Variants in UBAP2 observed in about 807,000 individuals in gnomAD.
UBAP2 encodes the protein ubiquitin-associated protein 2.
In UBAP2, 75 loss-of-function variants were observed where a neutral mutation model predicts 139.6. That is an observed-to-expected ratio of 0.54 (90% CI 0.45 to 0.65). UBAP2 has a LOEUF of 0.65. Ranked by LOEUF, UBAP2 falls within the 30% of genes least tolerant of loss-of-function variation. The pLI is 0.00. For missense variants in UBAP2, 1,368 were observed against 1,369.6 expected, an observed-to-expected ratio of 1.00 and a Z score of 0.02; for synonymous variants, 526 against 526.2, an observed-to-expected ratio of 1.00 and a Z score of 0.01.
At chr9:33,924,891 A>G (rs1295592727) in intron 22 of UBAP2, among the ~76,000 whole-genome samples, 1 of 152,152 alleles carries the variant, frequency 6.6e-6, no homozygotes, top group Non-Finnish European at 1.5e-5. Context: ...AAAACATGAA[A>G]TTTGTTTGCA....
Position 33,923,029 on chromosome 9 carries a change from T to C in UBAP2, c.3009A>G (p.Val1003=), listed in dbSNP as rs1307302820. The part of the protein sequence containing the change: ...KSAGSGPGKG[V]SVSSSTTGLP... ...GACCAGTGGTGCTTGAAGACACTGA[T>C]ACTCCTAGGAGGAAAAGCAGTTGTT... Residue 1003 remains valine (V), a synonymous_variant, in exon 27 of 29, where the codon GTA becomes GTG. Coordinates refer to ENST00000379238, the MANE Select transcript of UBAP2 (RefSeq NM_001370062.2). 1.2e-6 allele frequency: 2 copies of C among 1,614,082 alleles called. No homozygotes were observed. Among genetic ancestry groups the C allele is most frequent in the Admixed American group, 1.7e-5 (1 of 60,014 alleles).
chr9:33,973,111 G>A (rs1450440327), intron 7 of UBAP2, 72 bp downstream of exon 7: 5 of 1,311,548 alleles, frequency 3.8e-6, no homozygotes, highest in Admixed American at 1.8e-5. Flanking sequence ...TTAGATGTAG[G>A]GTATTAGAAG....
At chr9:33,969,475 AT>A (rs748037253) in intron 8 of UBAP2, among the ~76,000 whole-genome samples, 2 of 151,916 alleles carry the variant, frequency 1.3e-5, no homozygotes, top group African/African-American at 2.4e-5. Flanking sequence ...CTTGAACCCA[AT>A]GGTTCAAGGC....
At chr9:33,993,557 G>A (rs1350982353) in intron 4 of UBAP2, among the ~76,000 whole-genome samples, 2 of 152,070 alleles carry the variant, frequency 1.3e-5, no homozygotes, top group African/African-American at 2.4e-5. Context: ...CTGTGGTCCC[G>A]GCTACTCGGC....
chr9:33,965,176 C>G (rs1263909220), intron 8 of UBAP2, among the ~76,000 whole-genome samples: 3 of 152,204 alleles, frequency 2.0e-5, no homozygotes, highest in Non-Finnish European at 4.4e-5. Flanking sequence ...TTCTGACCCT[C>G]TCCAAGTGTA....
rs964122779 is a variant in UBAP2, at chr9:33,921,823, G to A, written c.*681C>T. ...TACCTTAGATTTTTAAAGGGGAGCTGACTGGCTGAATAACTCAGATTATTT... is the reference window on the plus strand; with the variant it reads ...TACCTTAGATTTTTAAAGGGGAGCTAACTGGCTGAATAACTCAGATTATTT... On this transcript the variant is annotated 3_prime_UTR_variant, in exon 29 of 29. Coordinates refer to ENST00000379238, the MANE Select transcript of UBAP2 (RefSeq NM_001370062.2). 1.3e-5 allele frequency: 2 copies of A among 152,282 alleles called. No individual in the cohort carries two copies. The highest frequency in any genetic ancestry group is 1.3e-4 in the Admixed American group (2 of 15,256). 9.4% of individuals were successfully genotyped at this position (152,282 alleles called of 1,614,324 possible).
chr9:33,928,304 T>C (rs989178555), intron 19 of UBAP2: 32 of 319,394 alleles, frequency 1.0e-4, no homozygotes, highest in Non-Finnish European at 9.2e-5. Context: ...AATGAGGGCA[T>C]AGAAATCCCA....
chr9:33,971,119 A>C (rs1827887244), intron 8 of UBAP2, among the ~76,000 whole-genome samples: 1 of 152,166 alleles, frequency 6.6e-6, no homozygotes, highest in African/African-American at 2.4e-5. Flanking sequence ...TGTTTCTATA[A>C]GTATAATCTC....
intron 7 of UBAP2, among the ~76,000 whole-genome samples, chr9:33,972,833 C>T (rs947148578): frequency 6.6e-6 from 1 of 152,130 alleles, no homozygotes; most frequent in East Asian, 1.9e-4. Context: ...CATTTAGGTA[C>T]GTCTATAGGT....
chr9:33,962,808 C>G (rs1458339129), intron 9 of UBAP2, among the ~76,000 whole-genome samples: 1 of 151,298 alleles, frequency 6.6e-6, no homozygotes, highest in Non-Finnish European at 1.5e-5. Flanking sequence ...GAAACCCCAT[C>G]TCTACTAAAA....
intron 1 of UBAP2, among the ~76,000 whole-genome samples, chr9:34,018,592 G>A (rs1284512113): frequency 3.9e-5 from 6 of 152,292 alleles, no homozygotes; most frequent in East Asian, 1.9e-4. Flanking sequence ...GGCCGGGCAC[G>A]GTCACTCACG....
rs1328507590 is a variant in UBAP2 at position 33,944,359 on chromosome 9, G to A, written c.1545+6C>T. On this transcript the variant is annotated splice_donor_region_variant and intron_variant, in intron 14 of 28. Transcript: ENST00000379238. Reference sequence around the variant, plus strand: ...TAGGACGGTGACTTCATGATGAAATGCCCACCTTAGAAGCTGGGGGTATCC... The same window carrying A: ...TAGGACGGTGACTTCATGATGAAATACCCACCTTAGAAGCTGGGGGTATCC... 6.2e-7 allele frequency: 1 copy of A among 1,609,264 alleles called. No individual in the cohort carries two copies. Among genetic ancestry groups the A allele is most frequent in the Admixed American group, 1.7e-5 (1 of 59,962 alleles).
At chr9:33,938,289 C>CA (rs958511718) in intron 16 of UBAP2, among the ~76,000 whole-genome samples, 4 of 152,028 alleles carry the variant, frequency 2.6e-5, no homozygotes, top group African/African-American at 9.7e-5. Flanking sequence ...CCACCACGCC[C>CA]AGCCACTTTT....
At chr9:34,042,525 T>A in intron 1 of UBAP2, among the ~76,000 whole-genome samples, 1 of 147,612 alleles carries the variant, frequency 6.8e-6, no homozygotes, top group East Asian at 2.0e-4. Context: ...GAGTGACTCA[T>A]ACCTATAATC....
At chr9:33,995,327 A>G (rs1419898405) in intron 4 of UBAP2, 1 of 143,930 alleles carries the variant, frequency 6.9e-6, no homozygotes, top group South Asian at 2.2e-4. Context: ...ACTGCACTCC[A>G]GCCTGGGTGG....
In UBAP2 at chr9:33,933,479, C is replaced by G; in HGVS notation, c.2108+11G>C. ...GGTACTTCTCACTTTGGGCCCACAC[C>G]TTCCCCATACCTGCTAAGCTGAGAG... On this transcript the variant is annotated intron_variant, in intron 18 of 28. Transcript: ENST00000379238. 1.2e-6 allele frequency: 2 copies of G among 1,613,234 alleles called. No individual in the cohort carries two copies. The highest frequency in any genetic ancestry group is 1.3e-5 in the African/African-American group (1 of 75,042).
chr9:34,015,460 C>T (rs1824166954), intron 2 of UBAP2, among the ~76,000 whole-genome samples: 1 of 150,594 alleles, frequency 6.6e-6, no homozygotes, highest in African/African-American at 2.4e-5. Context: ...ACTGCCATTA[C>T]AGGCACCCAC....
chr9:34,048,602 A>C (rs745736238), intron 1 of UBAP2, among the ~76,000 whole-genome samples: 9 of 152,076 alleles, frequency 5.9e-5, no homozygotes, highest in East Asian at 1.9e-4. Flanking sequence ...AAGTAGGAAG[A>C]AGCACAGGGC....
intron 2 of UBAP2, among the ~76,000 whole-genome samples, chr9:34,006,661 G>A (rs1055352761): frequency 6.6e-6 from 1 of 151,820 alleles, no homozygotes; most frequent in East Asian, 1.9e-4. Flanking sequence ...CAGTCTGGGT[G>A]ACAAAGTGAG....
Sources: gnomAD v4.1 joint callset for allele counts (sites outside exome capture counted in the v4.1 genomes callset) on GRCh38, gnomAD v4.1.1 for gene constraint, MANE v1.5 for transcripts, NCBI Gene and HGNC (gene_info 2026-07-23, HGNC 2026-07-21) for gene names.